The following FAM163A variants were observed in gnomAD, a reference collection of about 807,000 sequenced individuals.
FAM163A encodes the protein family with sequence similarity 163 member A, also known as protein FAM163A.
FAM163A carries 7 observed loss-of-function variants against 12.0 expected under a neutral mutation model. The observed-to-expected ratio is 0.58, with a 90% confidence interval of 0.33 to 1.10. The LOEUF is 1.10. FAM163A is among the 50% of genes least tolerant of loss of function. FAM163A has a pLI of 0.03. For synonymous variants in FAM163A, 101 were observed against 91.0 expected (o/e 1.11, Z -0.62); for missense variants, 202 against 218.6 (o/e 0.92, Z 0.48).
chr1:179,815,275 T>C lies in FAM163A; in HGVS notation c.*1086T>C, dbSNP rs1203435259. ...GCTTGAACGAAAGGTGGTTAACACG[T>C]GACCAATCCCCATGGCAGACAGCGG... is the stretch of plus-strand genomic sequence containing the variant. On this transcript the variant is annotated 3_prime_UTR_variant, in exon 5 of 5. Transcript: ENST00000341785. 1 of 152,334 alleles carries C rather than the reference T, an allele frequency of 6.6e-6. No individual in the cohort carries two copies. The highest frequency in any genetic ancestry group is 1.9e-4 in the East Asian group (1 of 5,202). 9.4% of individuals were successfully genotyped at this position (152,334 alleles called of 1,614,324 possible). A position where few individuals can be genotyped will look rare whatever the true frequency, so the allele number is the denominator to read the frequency against.
At chr1:179,740,233 C>CGGT (rs1366884762), upstream of FAM163A, among the ~76,000 whole-genome samples, 4 of 152,056 alleles carry the variant, frequency 2.6e-5, no homozygotes, top group African/African-American at 9.7e-5. Context: ...AGCTGAAGTG[C>CGGT]GGTGGTTCAA....
At chr1:179,813,016 C>T in intron 3 of FAM163A, 60 bp from the exon 4 acceptor site, 1 of 1,492,160 alleles carries the variant, frequency 6.7e-7, no homozygotes, top group East Asian at 2.5e-5. Flanking sequence ...GAAGACTCCC[C>T]CCGGCCCAGC....
chr1:179,799,503 A>G, intron 1 of FAM163A, among the ~76,000 whole-genome samples: 1 of 152,254 alleles, frequency 6.6e-6, no homozygotes, highest in East Asian at 1.9e-4. Flanking sequence ...GTCATGGAAG[A>G]AGAGTGGCAG....
Position 179,813,910 on chromosome 1 carries a change from C to G in FAM163A, c.225C>G (p.Ser75Arg), listed in dbSNP as rs34999790. The change falls in exon 5 of 5, where the codon AGC (serine) becomes AGG (arginine). Residue 75 changes from serine to arginine, a missense_variant. Transcript: ENST00000341785. ...CSSQALDGRGSLAPLTSEPCS... is the reference protein window; with the variant it reads ...CSSQALDGRGRLAPLTSEPCS... The stretch of plus-strand genomic sequence containing the variant: ...CCCAAGCCCTGGACGGCAGAGGCAG[C>G]CTGGCGCCTCTCACCAGCGAGCCCT... 1 of 1,613,684 alleles carries G rather than the reference C, an allele frequency of 6.2e-7. No individual in the cohort carries two copies. The highest frequency in any genetic ancestry group is 8.5e-7 in the Non-Finnish European group (1 of 1,180,020).
chr1:179,769,310 T>C lies in FAM163A; in HGVS notation c.-136+25887T>C, dbSNP rs187263680. On this transcript the variant is annotated intron_variant, in intron 1 of 4. Transcript: ENST00000341785. ...ACAGTTGCATGCCACCATGCCTGGC[T>C]AATTTTTTCAATTTTTTTTTTTTGT... is the stretch of plus-strand genomic sequence containing the variant. Among the ~76,000 whole-genome samples, 205 of 151,296 alleles carry C rather than the reference T, an allele frequency of 1.4e-3. 1 individual carries two copies. Among genetic ancestry groups the C allele is most frequent in the African/African-American group, 4.5e-3 (187 of 41,150 alleles).
intron 1 of FAM163A, among the ~76,000 whole-genome samples, chr1:179,766,857 G>A (rs1687577486): frequency 6.6e-6 from 1 of 151,992 alleles, no homozygotes; most frequent in East Asian, 1.9e-4. Context: ...CCGGGTTCAA[G>A]CGATTCTCCT....
intron 1 of FAM163A, among the ~76,000 whole-genome samples, chr1:179,796,620 C>T (rs892263958): frequency 2.6e-5 from 4 of 152,178 alleles, no homozygotes; most frequent in Non-Finnish European, 4.4e-5. Context: ...ATATCTCCCC[C>T]TCTTCTCTCA....
At chr1:179,766,755 T>C (rs932408385) in intron 1 of FAM163A, among the ~76,000 whole-genome samples, 3 of 105,090 alleles carry the variant, frequency 2.9e-5, no homozygotes, top group African/African-American at 8.0e-5. Context: ...TTTTCTTTCT[T>C]TTTTTTTTTT....
upstream of FAM163A, chr1:179,742,184 T>C (rs1445788174): frequency 6.6e-6 from 1 of 152,182 alleles, no homozygotes; most frequent in Non-Finnish European, 1.5e-5. Flanking sequence ...GGGATTTTTG[T>C]TTTTTAACAG....
rs149257469 is a variant in FAM163A at position 179,805,240 on chromosome 1, G to A, written c.-135-2558G>A. ...CAGACATTAGAATGCATCATAGGCC[G>A]GGCATGCTGGCTCACGCCTGTAATC... is the stretch of plus-strand genomic sequence containing the variant. On this transcript the variant is annotated intron_variant, in intron 1 of 4. Transcript: ENST00000341785. Among the ~76,000 whole-genome samples the A allele has an allele frequency of 3.5e-3, 534 of 152,278 alleles. 3 individuals carry two copies. Among genetic ancestry groups the A allele is most frequent in the African/African-American group, 0.012 (495 of 41,550 alleles).
chr1:179,772,633 G>A (rs1175985566), intron 1 of FAM163A, among the ~76,000 whole-genome samples: 2 of 152,182 alleles, frequency 1.3e-5, no homozygotes, highest in Non-Finnish European at 2.9e-5. Context: ...TCTGCTTAAA[G>A]ACCTAAGACA....
chr1:179,793,954 G>C (rs1345477450), intron 1 of FAM163A, among the ~76,000 whole-genome samples: 1 of 152,204 alleles, frequency 6.6e-6, no homozygotes, highest in African/African-American at 2.4e-5. Flanking sequence ...AGTCTCATCT[G>C]TGAGTGAAGA....
At chr1:179,790,127 A>T (rs1691226793) in intron 1 of FAM163A, among the ~76,000 whole-genome samples, 1 of 152,118 alleles carries the variant, frequency 6.6e-6, no homozygotes, top group Non-Finnish European at 1.5e-5. Flanking sequence ...AGGTACAGAA[A>T]GCAGTGTCAA....
intron 2 of FAM163A, among the ~76,000 whole-genome samples, chr1:179,809,953 A>C (rs1694479399): frequency 1.3e-5 from 2 of 152,190 alleles, no homozygotes; most frequent in South Asian, 4.1e-4. Flanking sequence ...GTGGTCTCGA[A>C]CAGTGACGCT....
chr1:179,789,479 G>A (rs1691134242), intron 1 of FAM163A, among the ~76,000 whole-genome samples: 1 of 152,230 alleles, frequency 6.6e-6, no homozygotes, highest in African/African-American at 2.4e-5. Flanking sequence ...ACCGCCCCCG[G>A]CAGGGATCAG....
chr1:179,774,741 C>T (rs4652453), intron 1 of FAM163A, among the ~76,000 whole-genome samples: 26,898 of 152,080 alleles, frequency 0.18, 2,902 homozygotes, highest in African/African-American at 0.31. Flanking sequence ...GCAGAAGTCA[C>T]GGCCAGGACA....
chr1:179,786,975 C>T (rs113291687), intron 1 of FAM163A, among the ~76,000 whole-genome samples: 3,821 of 152,282 alleles, frequency 0.025, 177 homozygotes, highest in African/African-American at 0.088. Context: ...GCACCCTGGC[C>T]GCATCAGGCC....
chr1:179,792,625 A>G (rs915348211), intron 1 of FAM163A, among the ~76,000 whole-genome samples: 11 of 152,226 alleles, frequency 7.2e-5, no homozygotes, highest in African/African-American at 2.6e-4. Context: ...TCCACTTACT[A>G]GTTGTGTTAC....
rs76371583 is a variant in FAM163A, at chr1:179,776,912, A to G, written c.-135-30886A>G. Among the ~76,000 whole-genome samples the G allele has an allele frequency of 7.5e-3, 1,141 of 152,312 alleles. 11 individuals are homozygous for G. The highest frequency in any genetic ancestry group is 0.011 in the Non-Finnish European group (758 of 68,028). On this transcript the variant is annotated intron_variant, in intron 1 of 4. Coordinates refer to ENST00000341785, the MANE Select transcript of FAM163A (RefSeq NM_173509.3). ...TTTACCTATTAAGCAGTTCTCCCCA[A>G]GCTGTACCCTGTCTATGCATTGGAC...
Sources: gnomAD v4.1 joint callset for allele counts (sites outside exome capture counted in the v4.1 genomes callset) on GRCh38, gnomAD v4.1.1 for gene constraint, MANE v1.5 for transcripts, NCBI Gene and HGNC (gene_info 2026-07-23, HGNC 2026-07-21) for gene names.